Variants in RNF10 observed in about 807,000 individuals in gnomAD.
The protein encoded by RNF10 is E3 ubiquitin-protein ligase RNF10.
In RNF10, 38 loss-of-function variants were observed where a neutral mutation model predicts 91.4. The ratio of observed to expected loss-of-function variants is 0.42; its 90% confidence interval spans 0.32 to 0.54. RNF10 has a LOEUF of 0.54. Ranked by LOEUF, RNF10 falls within the 20% of genes least tolerant of loss-of-function variation. The pLI is 0.16. For synonymous variants in RNF10, 364 were observed against 366.3 expected (o/e 0.99, Z 0.07); for missense variants, 945 against 1,012.0 (o/e 0.93, Z 0.90).
rs759735188 is a variant in RNF10, at chr12:120,534,959, C to T, written c.148C>T (p.Pro50Ser). The T allele has an allele frequency of 6.3e-6, 10 of 1,598,570 alleles. No homozygotes were observed. The highest frequency in any genetic ancestry group is 5.0e-5 in the Admixed American group (3 of 59,560). The stretch of plus-strand genomic sequence containing the variant: ...GGCGGGGCCAGCCGGCGAGTCTAAA[C>T]CCAAGAGCGGTAAGGACGGGCCTGC... ...ASAGPAGESK[P>S]KSDGKNSSGS... The change falls in exon 1 of 17, where the codon CCC (proline) becomes TCC (serine). Residue 50 changes from proline to serine, a missense_variant. Physicochemically the swap from Pro to Ser is moderately conservative, Grantham distance 74 (BLOSUM62 -1). Coordinates refer to ENST00000325954, the MANE Select transcript of RNF10 (RefSeq NM_014868.5).
At chr12:120,574,279 C>T (rs975930017) in intron 14 of RNF10, among the ~76,000 whole-genome samples, 15 of 152,220 alleles carry the variant, frequency 9.9e-5, no homozygotes, top group Non-Finnish European at 4.4e-5. Context: ...GACAAGGCAT[C>T]CCTGCTTGAA....
At chr12:120,564,813 G>A (rs1003424686) in intron 10 of RNF10, among the ~76,000 whole-genome samples, 2 of 152,158 alleles carry the variant, frequency 1.3e-5, no homozygotes, top group African/African-American at 4.8e-5. Context: ...CAGCTGATGG[G>A]CTTTAGATTA....
intron 1 of RNF10, among the ~76,000 whole-genome samples, chr12:120,541,937 G>A (rs1871633277): frequency 6.6e-6 from 1 of 150,822 alleles, no homozygotes. Flanking sequence ...TGCAATCTTG[G>A]CTCACTGCAA....
intron 1 of RNF10, among the ~76,000 whole-genome samples, chr12:120,542,496 G>GAC (rs1311252153): frequency 6.6e-6 from 1 of 152,150 alleles, no homozygotes; most frequent in Non-Finnish European, 1.5e-5. Flanking sequence ...TGCCATGTTT[G>GAC]ACACTAACTG....
At chr12:120,540,101 T>G in intron 1 of RNF10, among the ~76,000 whole-genome samples, 1 of 148,104 alleles carries the variant, frequency 6.8e-6, no homozygotes. Context: ...AATAGGGGTG[T>G]GTGGGGCCCC....
At chr12:120,544,839 T>C (rs906778585) in intron 1 of RNF10, among the ~76,000 whole-genome samples, 1 of 152,108 alleles carries the variant, frequency 6.6e-6, no homozygotes. Context: ...CTCCCAATGG[T>C]ATTATATTAA....
intron 7 of RNF10, 40 bp from the exon 8 acceptor site, chr12:120,562,905 G>T (rs773615266): frequency 2.5e-6 from 4 of 1,612,708 alleles, no homozygotes; most frequent in Non-Finnish European, 3.4e-6. Flanking sequence ...TGTGTGTCTG[G>T]AAACTTAACC....
At chr12:120,535,510 A>C (rs1239120906) in intron 1 of RNF10, 1 of 152,216 alleles carries the variant, frequency 6.6e-6, no homozygotes, top group African/African-American at 2.4e-5. Context: ...CTATGAATTC[A>C]GTCTTTTTGG....
chr12:120,553,032 G>A (rs569718543), intron 3 of RNF10, among the ~76,000 whole-genome samples: 19 of 133,420 alleles, frequency 1.4e-4, no homozygotes, highest in African/African-American at 5.1e-4. Context: ...ATAAGGAAGA[G>A]GAAAGGTTTT....
rs770014286 is a variant in RNF10, at chr12:120,575,801, G to A, written c.2210G>A (p.Ser737Asn). ...CACTGGTATTTTTTAGATGAGAACA[G>A]CTTAGTTCCTCCTGCCCCTGTGGAC... is the stretch of plus-strand genomic sequence containing the variant. The part of the protein sequence containing the change: ...PKTAPKKDEN[S>N]LVPPAPVDSD... The change falls in exon 16 of 17, where the codon AGC (serine) becomes AAC (asparagine). Residue 737 changes from serine (S) to asparagine (N), a missense_variant. By Grantham distance (46) the Ser-to-Asn change is conservative. Transcript: ENST00000325954. 1.1e-5 allele frequency: 18 copies of A among 1,614,120 alleles called. No individual in the cohort carries two copies. The highest frequency in any genetic ancestry group is 1.4e-5 in the Non-Finnish European group (17 of 1,180,044).
chr12:120,573,317 C>A (rs1018293358), intron 14 of RNF10, among the ~76,000 whole-genome samples: 2 of 152,186 alleles, frequency 1.3e-5, no homozygotes, highest in Non-Finnish European at 2.9e-5. Context: ...TCTCTTTAGT[C>A]TCCTTTGATC....
rs1334031320 is a variant in RNF10, at chr12:120,565,448, C to T, written c.1804C>T (p.Arg602Cys). The change falls in exon 12 of 17, where the codon CGT becomes TGT. Residue 602 changes from arginine to cysteine, a missense_variant. By Grantham distance (180) the Arg-to-Cys change is radical (BLOSUM62 -3). Coordinates refer to ENST00000325954, the MANE Select transcript of RNF10 (RefSeq NM_014868.5). Reference protein sequence around the residue: ...MFSDDIEKRKRQRQKKAREER... With the variant: ...MFSDDIEKRKCQRQKKAREER... ...TGCAGATGACATTGAGAAGAGGAAA[C>T]GTCAGCGCCAAAAGAAGGCTCGGGA... 9 of 1,613,854 alleles carry T rather than the reference C, an allele frequency of 5.6e-6. No individual in the cohort carries two copies. Among genetic ancestry groups the T allele is most frequent in the Middle Eastern group, 1.6e-4 (1 of 6,082 alleles).
rs768295370 is a variant in RNF10, at chr12:120,576,439, G to A, written c.2360-151G>A. 3 of 1,211,102 alleles carry A rather than the reference G, an allele frequency of 2.5e-6. No individual in the cohort carries two copies. In the Middle Eastern group the frequency reaches 7.0e-4, roughly 283 times the overall value. The allele number at this position is 1,211,102 out of a possible 1,614,324, so 75.0% of individuals were successfully genotyped here. A position where few individuals can be genotyped will look rare whatever the true frequency, so the allele number is the denominator to read the frequency against. On this transcript the variant is annotated intron_variant, in intron 16 of 16. Transcript: ENST00000325954. The stretch of plus-strand genomic sequence containing the variant: ...GTGATTTGCCCAAAGACACCCACTT[G>A]GTGTATACCAAGACTGGTATTGGCA...
chr12:120,575,480 T>C (rs1396600890), intron 14 of RNF10, 151 bp from the exon 15 acceptor site: 1 of 787,878 alleles, frequency 1.3e-6, no homozygotes, highest in South Asian at 1.6e-5. Flanking sequence ...AGGACATGAC[T>C]AGAACAGTGT....
chr12:120,541,592 G>A (rs1871580170), intron 1 of RNF10, among the ~76,000 whole-genome samples: 1 of 151,596 alleles, frequency 6.6e-6, no homozygotes, highest in Non-Finnish European at 1.5e-5. Flanking sequence ...CCGCCACCAA[G>A]CCTGGCTAAT....
At chr12:120,573,657 A>G (rs1315198248) in intron 14 of RNF10, among the ~76,000 whole-genome samples, 3 of 151,972 alleles carry the variant, frequency 2.0e-5, no homozygotes. Flanking sequence ...TGAGTGCCTC[A>G]GGCTGCTTCC....
chr12:120,551,582 A>G (rs1003562447), intron 2 of RNF10, among the ~76,000 whole-genome samples: 4 of 151,502 alleles, frequency 2.6e-5, no homozygotes, highest in Admixed American at 6.6e-5. Context: ...TACAGGCATG[A>G]GCTACTATTC....
chr12:120,548,274 G>A (rs890129105), intron 2 of RNF10, among the ~76,000 whole-genome samples: 1 of 152,210 alleles, frequency 6.6e-6, no homozygotes, highest in Admixed American at 6.6e-5. Context: ...TTAGAGAGCT[G>A]TCAGCATACA....
intron 4 of RNF10, among the ~76,000 whole-genome samples, chr12:120,555,634 C>T (rs773840344): frequency 1.3e-5 from 2 of 151,622 alleles, no homozygotes; most frequent in African/African-American, 2.4e-5. Context: ...ACTACAGGCA[C>T]GCACCACCAC....
Sources: allele counts gnomAD v4.1 joint callset (sites outside exome capture counted in the v4.1 genomes callset), GRCh38; gene constraint gnomAD v4.1.1; transcripts MANE v1.5; gene names NCBI Gene and HGNC (gene_info 2026-07-23, HGNC 2026-07-21).